Variants in SHISA9 observed in about 807,000 individuals in gnomAD.
SHISA9 encodes the protein protein shisa-9.
A neutral mutation model predicts 38.0 loss-of-function variants in SHISA9; 13 were observed. The observed-to-expected ratio is 0.34, with a 90% CI of 0.22 to 0.54. The LOEUF is 0.54. SHISA9 is among the 20% of genes least tolerant of loss of function. The pLI, the probability that SHISA9 is intolerant of heterozygous loss-of-function variation, is 0.91. For missense variants in SHISA9, 538 were observed against 575.8 expected, an observed-to-expected ratio of 0.93 and a Z score of 0.67; for synonymous variants, 275 against 242.0, an observed-to-expected ratio of 1.14 and a Z score of -1.27.
chr16:13,455,096 A>ATTT, the SHISA9 span, among the ~76,000 whole-genome samples: 1 of 152,138 alleles, frequency 6.6e-6, no homozygotes, highest in East Asian at 1.9e-4. Context: ...GTATGCCCAA[A>ATTT]TATATATAAC....
the SHISA9 span, among the ~76,000 whole-genome samples, chr16:13,531,704 ATG>A: frequency 2.0e-5 from 3 of 152,204 alleles, no homozygotes; most frequent in African/African-American, 7.2e-5. Context: ...TCAGAGATGT[ATG>A]AGCAATCTCA....
intron 2 of SHISA9, among the ~76,000 whole-genome samples, chr16:12,970,344 CATATATGTGTATAT>C (rs2072041473): frequency 2.0e-5 from 1 of 49,768 alleles, no homozygotes; most frequent in Non-Finnish European, 4.1e-5. Context: ...TATATATATA[CATATATGTGTATAT>C]ATATATATAT....
chr16:13,203,426 T>G lies in SHISA9; in HGVS notation c.724T>G (p.Ser242Ala). The change falls in exon 3 of 5, where the codon TCT (serine) becomes GCT (alanine). Residue 242 changes from serine (S) to alanine (A), a missense_variant. Transcript: ENST00000558583. Reference protein sequence around the residue: ...ATQMNNAVPTSPLLQQMGHPH... With the variant: ...ATQMNNAVPTAPLLQQMGHPH... ...CCAGATGAACAACGCAGTGCCCACCTCTCCTCTGCTCCAGCAGATGGGCCA... is the reference window on the plus strand; with the variant it reads ...CCAGATGAACAACGCAGTGCCCACCGCTCCTCTGCTCCAGCAGATGGGCCA... The G allele has an allele frequency of 6.5e-7, 1 of 1,548,774 alleles. No homozygotes were observed. Among genetic ancestry groups the G allele is most frequent in the South Asian group, 1.2e-5 (1 of 83,572 alleles).
the SHISA9 span, among the ~76,000 whole-genome samples, chr16:13,459,065 G>T: frequency 6.6e-6 from 1 of 151,996 alleles, no homozygotes; most frequent in Non-Finnish European, 1.5e-5. Context: ...GTTGGGTCAA[G>T]CTGGTCTCGA....
intron 2 of SHISA9, among the ~76,000 whole-genome samples, chr16:13,059,601 A>G (rs898899997): frequency 6.6e-6 from 1 of 152,184 alleles, no homozygotes; most frequent in African/African-American, 2.4e-5. Context: ...GTTGATAGGT[A>G]CAGCAAACCA....
intron 2 of SHISA9, among the ~76,000 whole-genome samples, chr16:12,991,721 C>G (rs530083596): frequency 5.2e-4 from 79 of 152,202 alleles, no homozygotes; most frequent in Non-Finnish European, 1.1e-3. Context: ...TAGAATGGCA[C>G]AATTTTAAGA....
At chr16:12,994,927 A>G (rs2072439169) in intron 2 of SHISA9, among the ~76,000 whole-genome samples, 1 of 152,200 alleles carries the variant, frequency 6.6e-6, no homozygotes. Flanking sequence ...TATCAAGTCC[A>G]CAGATGAATA....
the SHISA9 span, among the ~76,000 whole-genome samples, chr16:13,261,003 C>G: frequency 6.6e-6 from 1 of 152,154 alleles, no homozygotes. Flanking sequence ...CCTGATAAAC[C>G]CATCAGATCT....
the SHISA9 span, among the ~76,000 whole-genome samples, chr16:13,511,888 G>C: frequency 6.6e-6 from 1 of 152,084 alleles, no homozygotes; most frequent in East Asian, 1.9e-4. Context: ...CCAAGTCTAG[G>C]ACTTTTCCTA....
At chr16:12,936,933 G>T (rs2071542063) in intron 2 of SHISA9, among the ~76,000 whole-genome samples, 1 of 152,078 alleles carries the variant, frequency 6.6e-6, no homozygotes, top group African/African-American at 2.4e-5. Context: ...TTGGCTAGAG[G>T]GCGGTGGGGT....
intron 2 of SHISA9, among the ~76,000 whole-genome samples, chr16:13,064,001 C>T (rs1409610770): frequency 6.6e-6 from 1 of 152,174 alleles, no homozygotes; most frequent in African/African-American, 2.4e-5. Context: ...GTGTTGGCAC[C>T]AGAGGCCCGT....
At chr16:13,247,214 C>T in the SHISA9 span, among the ~76,000 whole-genome samples, 3 of 152,048 alleles carry the variant, frequency 2.0e-5, no homozygotes, top group African/African-American at 7.2e-5. Flanking sequence ...ATGAGAACAG[C>T]ATGGGGGAAC....
At chr16:13,417,529 GT>G in the SHISA9 span, among the ~76,000 whole-genome samples, 1 of 152,216 alleles carries the variant, frequency 6.6e-6, no homozygotes, top group African/African-American at 2.4e-5. Flanking sequence ...TAGCTATTGA[GT>G]TTTCATTACA....
intron 2 of SHISA9, among the ~76,000 whole-genome samples, chr16:13,133,109 C>T (rs868859591): frequency 3.9e-5 from 6 of 152,140 alleles, no homozygotes; most frequent in Non-Finnish European, 8.8e-5. Context: ...CAATCTAGTC[C>T]AAGGAGGCCA....
chr16:13,384,726 G>A, the SHISA9 span, among the ~76,000 whole-genome samples: 1 of 152,296 alleles, frequency 6.6e-6, no homozygotes, highest in African/African-American at 2.4e-5. Flanking sequence ...TTCCCAAACA[G>A]CCATGATCTG....
intron 2 of SHISA9, among the ~76,000 whole-genome samples, chr16:13,172,482 C>G (rs1243874872): frequency 6.6e-6 from 1 of 152,182 alleles, no homozygotes; most frequent in Non-Finnish European, 1.5e-5. Context: ...TGCATGAAGC[C>G]TCTTTAAATA....
At chr16:13,108,374 C>G (rs1443965596) in intron 2 of SHISA9, among the ~76,000 whole-genome samples, 2 of 152,178 alleles carry the variant, frequency 1.3e-5, no homozygotes, top group African/African-American at 4.8e-5. Context: ...AAGCAATCCT[C>G]CTGCCTTGGC....
chr16:13,347,762 A>C, the SHISA9 span, among the ~76,000 whole-genome samples: 1 of 152,214 alleles, frequency 6.6e-6, no homozygotes, highest in East Asian at 1.9e-4. Context: ...CTTTTTCTTC[A>C]CCATCTTTAA....
At chr16:13,221,604 A>G (rs1286313837) in intron 4 of SHISA9, among the ~76,000 whole-genome samples, 1 of 152,184 alleles carries the variant, frequency 6.6e-6, no homozygotes, top group Non-Finnish European at 1.5e-5. Flanking sequence ...AGAAAGAAGT[A>G]TTTCTTTTTT....
Sources: gnomAD v4.1 joint callset for allele counts (sites outside exome capture counted in the v4.1 genomes callset) on GRCh38, gnomAD v4.1.1 for gene constraint, MANE v1.5 for transcripts, NCBI Gene and HGNC (gene_info 2026-07-23, HGNC 2026-07-21) for gene names.